The following ABCC8 variants were observed in gnomAD, a reference collection of about 807,000 sequenced individuals.
ABCC8 encodes ATP-binding cassette sub-family C member 8.
A neutral mutation model predicts 188.0 loss-of-function variants in ABCC8; 137 were observed. The observed-to-expected ratio is 0.73, with a 90% CI of 0.63 to 0.84. The LOEUF (loss-of-function observed/expected upper bound fraction) is 0.84. ABCC8 is among the 40% of genes least tolerant of loss of function. ABCC8 has a pLI of 0.00. For synonymous variants in ABCC8, 797 were observed against 846.5 expected, an observed-to-expected ratio of 0.94 and a Z score of 1.01; for missense variants, 1,750 against 2,072.7, an observed-to-expected ratio of 0.84 and a Z score of 3.02.
chr11:17,405,716 C>A, intron 26 of ABCC8, 153 bp from the exon 27 acceptor site: 1 of 926,206 alleles, frequency 1.1e-6, no homozygotes, highest in Non-Finnish European at 1.3e-6. Context: ...GCCTGTATCC[C>A]CGTGAATTCC....
Position 17,468,474 on chromosome 11 carries a change from G to T in ABCC8, c.412+1627C>A, listed in dbSNP as rs147666518. Reference sequence around the variant, plus strand: ...TTTACCCCAAGGACGAAGTCTGAGGGCCCTTAGACACGCAGTCTCAGAAAT... The same window carrying T: ...TTTACCCCAAGGACGAAGTCTGAGGTCCCTTAGACACGCAGTCTCAGAAAT... On this transcript the variant is annotated intron_variant, in intron 3 of 38. Coordinates refer to ENST00000389817, the MANE Select transcript of ABCC8 (RefSeq NM_000352.6). Among the ~76,000 whole-genome samples the T allele has an allele frequency of 7.9e-5, 12 of 152,278 alleles. No individual in the cohort carries two copies. In the East Asian group the frequency reaches 1.5e-3, roughly 20 times the overall value.
chr11:17,431,162 A>G, intron 11 of ABCC8: 1 of 803,018 alleles, frequency 1.2e-6, no homozygotes, highest in Non-Finnish European at 1.9e-6. Context: ...CAAGCTGGAG[A>G]GCAGGGGCTG....
At chr11:17,428,731 G>A in intron 12 of ABCC8, 61 bp from the exon 13 acceptor site, 3 of 1,600,128 alleles carry the variant, frequency 1.9e-6, no homozygotes, top group Non-Finnish European at 2.5e-6. Context: ...AGGGGAGAGG[G>A]CGCAGCCTGA....
chr11:17,420,396 C>T (rs1297141348), intron 16 of ABCC8, among the ~76,000 whole-genome samples: 1 of 152,198 alleles, frequency 6.6e-6, no homozygotes, highest in Admixed American at 6.5e-5. Flanking sequence ...AGCCAGGGGC[C>T]ATCTGGTTCC....
chr11:17,468,032 C>T (rs576870166), intron 3 of ABCC8, among the ~76,000 whole-genome samples: 1 of 152,146 alleles, frequency 6.6e-6, no homozygotes, highest in Non-Finnish European at 1.5e-5. Flanking sequence ...GAAGGGTTCT[C>T]TACAGACAAG....
Position 17,404,728 on chromosome 11 carries a change from GC to G in ABCC8, c.3400-60del, listed in dbSNP as rs1353679150. 9.7e-6 allele frequency: 15 copies of G among 1,553,982 alleles called. No homozygotes were observed. Among genetic ancestry groups the G allele is most frequent in the East Asian group, 2.4e-5 (1 of 41,278 alleles). ...TTTTGGTATTGACTGTGTTTAGAGT[GC>G]TACTGGCCGCCATGTTTTGCTCTCA... On this transcript the variant is annotated intron_variant, in intron 27 of 38. Transcript: ENST00000389817. This position sits in a 1 kb window ranked among gnomAD's most constrained non-coding sequence, Gnocchi z 4.7.
intron 37 of ABCC8, 146 bp downstream of exon 37, chr11:17,394,120 C>T (rs1016294464): frequency 1.2e-5 from 13 of 1,099,376 alleles, no homozygotes; most frequent in Admixed American, 9.3e-5. Flanking sequence ...AGTCAGGGTC[C>T]CCCCAGCTCT....
intron 11 of ABCC8, among the ~76,000 whole-genome samples, chr11:17,431,477 C>T (rs1247421952): frequency 6.6e-6 from 1 of 152,212 alleles, no homozygotes; most frequent in Non-Finnish European, 1.5e-5. Flanking sequence ...AGGCTGTGAA[C>T]TCTACACAGC....
chr11:17,428,317 T>C lies in ABCC8; in HGVS notation c.2012A>G (p.Asp671Gly). ...GACACAGCAGTTGTCAGCATCGCCA[T>C]CTGCACTGGGGACCAGGCTCTGCAG... ...GPLQSLVPSA[D>G]GDADNCCVQI... The change falls in exon 14 of 39, where the codon GAT becomes GGT. Residue 671 changes from aspartate to glycine, a missense_variant. Coordinates refer to ENST00000389817, the MANE Select transcript of ABCC8 (RefSeq NM_000352.6). 3 of 1,614,156 alleles carry C rather than the reference T, an allele frequency of 1.9e-6. No individual in the cohort carries two copies. Among genetic ancestry groups the C allele is most frequent in the Non-Finnish European group, 2.5e-6 (3 of 1,180,030 alleles).
chr11:17,421,019 C>T (rs7104971), intron 16 of ABCC8, among the ~76,000 whole-genome samples: 2,183 of 152,306 alleles, frequency 0.014, 49 homozygotes, highest in African/African-American at 0.05. Context: ...AGGCTGCTGA[C>T]GTGAGGGACA....
intron 5 of ABCC8, chr11:17,461,245 C>G: frequency 2.4e-6 from 1 of 414,348 alleles, no homozygotes; most frequent in Non-Finnish European, 4.5e-6. Flanking sequence ...ACACTCCAAC[C>G]TTTATAGTCA....
Position 17,461,624 on chromosome 11 carries a change from T to C in ABCC8, c.781A>G (p.Thr261Ala). The C allele has an allele frequency of 1.2e-6, 2 of 1,614,202 alleles. No homozygotes were observed. Among genetic ancestry groups the C allele is most frequent in the Non-Finnish European group, 1.7e-6 (2 of 1,180,040 alleles). Reference protein sequence around the residue: ...GKLPIAMRALTNYQRLCEAFD... With the variant: ...GKLPIAMRALANYQRLCEAFD... ...GCCTCGCAGAGCCGTTGGTAGTTGG[T>C]GAGGGCCCTCATGGCGATGGGCAGC... Residue 261 changes from threonine to alanine, a missense_variant, in exon 5 of 39, where the codon ACC becomes GCC. Physicochemically the swap from Thr to Ala is moderately conservative, Grantham distance 58. Coordinates refer to ENST00000389817, the MANE Select transcript of ABCC8 (RefSeq NM_000352.6).
In ABCC8 at chr11:17,428,669, C is replaced by T. The variant is rs377405677; in HGVS notation, c.1819G>A (p.Val607Met). 4.3e-6 allele frequency: 7 copies of T among 1,612,506 alleles called. No homozygotes were observed. The highest frequency in any genetic ancestry group is 2.2e-5 in the East Asian group (1 of 44,890). The change falls in exon 13 of 39, where the codon GTG becomes ATG. Residue 607 changes from valine (V) to methionine (M), a missense_variant and splice_region_variant. By Grantham distance (21) the Val-to-Met change is conservative (BLOSUM62 1). Coordinates refer to ENST00000389817, the MANE Select transcript of ABCC8 (RefSeq NM_000352.6). Reference protein sequence around the residue: ...VRSTVKALVSVQKLSEFLSSA... With the variant: ...VRSTVKALVSMQKLSEFLSSA... ...GACAGGAACTCGCTTAGCTTTTGCACGCTGCTCGGGAAGCACAGAGACACC... is the reference window on the plus strand; with the variant it reads ...GACAGGAACTCGCTTAGCTTTTGCATGCTGCTCGGGAAGCACAGAGACACC...
chr11:17,441,742 C>A (rs746737907), intron 10 of ABCC8, among the ~76,000 whole-genome samples: 10 of 152,122 alleles, frequency 6.6e-5, no homozygotes, highest in Non-Finnish European at 1.2e-4. Context: ...GACCAGGGGA[C>A]CATTGTTCAC....
chr11:17,428,987 T>C (rs1005683559), intron 12 of ABCC8: 3 of 443,136 alleles, frequency 6.8e-6, no homozygotes, highest in Non-Finnish European at 1.2e-5. Flanking sequence ...TGGTCAGGGT[T>C]AAGGTTAGTT....
chr11:17,435,998 A>C (rs986941349), intron 10 of ABCC8: 40 of 1,552,846 alleles, frequency 2.6e-5, no homozygotes, highest in Non-Finnish European at 3.6e-5. Flanking sequence ...ATGGGAAGAG[A>C]CCAACTGTAG....
Position 17,461,615 on chromosome 11 carries a change from G to C in ABCC8, c.790C>G (p.Gln264Glu). Residue 264 changes from glutamine (Q) to glutamate (E), a missense_variant, in exon 5 of 39, where the codon CAA becomes GAA. Transcript: ENST00000389817. ...GCGTCAAAGGCCTCGCAGAGCCGTT[G>C]GTAGTTGGTGAGGGCCCTCATGGCG... Reference protein sequence around the residue: ...PIAMRALTNYQRLCEAFDAQV... With the variant: ...PIAMRALTNYERLCEAFDAQV... The C allele has an allele frequency of 6.2e-7, 1 of 1,614,236 alleles. No individual in the cohort carries two copies. The highest frequency in any genetic ancestry group is 8.5e-7 in the Non-Finnish European group (1 of 1,180,050).
intron 8 of ABCC8, 113 bp from the exon 9 acceptor site, chr11:17,443,425 C>T: frequency 6.3e-7 from 1 of 1,576,012 alleles, no homozygotes; most frequent in Non-Finnish European, 8.6e-7. Context: ...CCTTGGTGCC[C>T]AGGTTTCCAA....
chr11:17,406,284 G>C (rs1170496929), intron 26 of ABCC8, among the ~76,000 whole-genome samples: 1 of 152,138 alleles, frequency 6.6e-6, no homozygotes, highest in African/African-American at 2.4e-5. Context: ...GTGAGGGGAG[G>C]GCAGGGAGCT....
Sources: gnomAD v4.1 joint callset for allele counts (sites outside exome capture counted in the v4.1 genomes callset) on GRCh38, gnomAD v4.1.1 for gene constraint, Gnocchi (gnomAD v3.1) non-coding constraint, MANE v1.5 for transcripts, NCBI Gene and HGNC (gene_info 2026-07-23, HGNC 2026-07-21) for gene names.